Variants in TBCK observed in about 807,000 individuals in gnomAD.
TBCK encodes the protein TBC1 domain containing kinase.
Under a neutral mutation model 113.4 loss-of-function variants are expected in TBCK, and 99 were observed. The ratio of observed to expected loss-of-function variants is 0.87; its 90% CI spans 0.74 to 1.03. TBCK has a LOEUF of 1.03. TBCK is among the 50% of genes least tolerant of loss of function. The pLI, the probability that TBCK is intolerant of heterozygous loss-of-function variation, is 0.00. For missense variants in TBCK, 1,045 were observed against 1,061.3 expected, an observed-to-expected ratio of 0.98 and a Z score of 0.21; for synonymous variants, 369 against 370.8, an observed-to-expected ratio of 1.00 and a Z score of 0.05.
At chr4:106,182,645 G>T (rs927470010) in intron 22 of TBCK, 1 of 151,938 alleles carries the variant, frequency 6.6e-6, no homozygotes, top group African/African-American at 2.4e-5. Context: ...TTTTGTCATT[G>T]GTTCTGTCTT....
chr4:106,239,879 T>A (rs556534178), intron 12 of TBCK, among the ~76,000 whole-genome samples: 1 of 152,120 alleles, frequency 6.6e-6, no homozygotes, highest in African/African-American at 2.4e-5. Flanking sequence ...CTATTTATTT[T>A]ATGAGACTAG....
chr4:106,200,011 T>C (rs1337892757), intron 20 of TBCK, among the ~76,000 whole-genome samples: 2 of 152,190 alleles, frequency 1.3e-5, no homozygotes, highest in Non-Finnish European at 2.9e-5. Flanking sequence ...GTCCTAATGA[T>C]GATCAACAAA....
intron 2 of TBCK, among the ~76,000 whole-genome samples, chr4:106,295,726 A>G (rs1318656909): frequency 6.6e-6 from 1 of 152,192 alleles, no homozygotes; most frequent in Non-Finnish European, 1.5e-5. Flanking sequence ...AAAATCACCT[A>G]TAACTTTTGA....
chr4:106,205,324 G>A (rs552631349), intron 20 of TBCK, among the ~76,000 whole-genome samples: 30 of 152,156 alleles, frequency 2.0e-4, no homozygotes, highest in African/African-American at 7.2e-4. Context: ...ACAAATTCAT[G>A]ACACTACAAA....
intron 23 of TBCK, among the ~76,000 whole-genome samples, chr4:106,124,723 T>C (rs1486534937): frequency 1.3e-5 from 2 of 151,898 alleles, no homozygotes. Flanking sequence ...AAATTGGAAA[T>C]CATCATTTTC....
chr4:106,183,854 T>C lies in TBCK; in HGVS notation c.2059+9755A>G, dbSNP rs537301498. On this transcript the variant is annotated intron_variant, in intron 22 of 25. Transcript: ENST00000394708. The stretch of plus-strand genomic sequence containing the variant: ...TCTCACTGACACCATTAGTAATCTA[T>C]ACAACATTTTTGCATTATTTGTCCT... Among the ~76,000 whole-genome samples the C allele has an allele frequency of 5.9e-5, 9 of 152,198 alleles. 1 individual carries two copies. In the South Asian group the frequency reaches 1.2e-3, roughly 21 times the overall value.
At chr4:106,070,066 T>C (rs11930106) in intron 25 of TBCK, among the ~76,000 whole-genome samples, 48,054 of 150,816 alleles carry the variant, frequency 0.32, 7,837 homozygotes, top group African/African-American at 0.36. Flanking sequence ...TTTCTAAATA[T>C]ACATTCATGT....
rs147484754 is a variant in TBCK at position 106,294,485 on chromosome 4, C to CTT, written c.266+607_266+608dup. Reference sequence around the variant, plus strand: ...TATACTAAAAATACAGGAAAATAATCTTTTTTTTTTTTTTGACATGGAGTC... The same window carrying CTT: ...TATACTAAAAATACAGGAAAATAATCTTTTTTTTTTTTTTTTGACATGGAGTC... On this transcript the variant is annotated intron_variant, in intron 3 of 25. Transcript: ENST00000394708. Among the ~76,000 whole-genome samples the CTT allele has an allele frequency of 8.3e-4, 118 of 141,870 alleles. 1 individual carries two copies. Among genetic ancestry groups the CTT allele is most frequent in the African/African-American group, 2.7e-3 (104 of 38,460 alleles). The allele number at this position is 141,870 out of a possible 152,430, so 93.1% of individuals were successfully genotyped here.
intron 3 of TBCK, among the ~76,000 whole-genome samples, chr4:106,268,867 G>A (rs1043587299): frequency 3.9e-5 from 6 of 152,070 alleles, no homozygotes; most frequent in African/African-American, 1.4e-4. Flanking sequence ...CAAGGTTGCT[G>A]AGATAGATTT....
At chr4:106,303,965 C>G (rs1767230618) in intron 2 of TBCK, among the ~76,000 whole-genome samples, 1 of 152,072 alleles carries the variant, frequency 6.6e-6, no homozygotes, top group South Asian at 2.1e-4. Flanking sequence ...ATATGTGGGA[C>G]CCATGAAGGG....
chr4:106,060,304 C>T (rs1408377749), intron 25 of TBCK, among the ~76,000 whole-genome samples: 1 of 151,732 alleles, frequency 6.6e-6, no homozygotes, highest in Non-Finnish European at 1.5e-5. Flanking sequence ...TTCAAGGCTT[C>T]AAAGGATAGG....
At chr4:106,111,539 T>C (rs764511280) in intron 24 of TBCK, among the ~76,000 whole-genome samples, 1 of 152,216 alleles carries the variant, frequency 6.6e-6, no homozygotes, top group Non-Finnish European at 1.5e-5. Flanking sequence ...TGAACAGTCC[T>C]ACCATGTGTC....
intron 3 of TBCK, among the ~76,000 whole-genome samples, chr4:106,281,298 T>C (rs1158404280): frequency 1.6e-5 from 2 of 127,072 alleles, no homozygotes; most frequent in African/African-American, 6.3e-5. Context: ...TTATCACTTC[T>C]AATCATTTTT....
intron 23 of TBCK, among the ~76,000 whole-genome samples, chr4:106,127,034 C>A (rs1745300006): frequency 6.6e-6 from 1 of 151,548 alleles, no homozygotes; most frequent in African/African-American, 2.4e-5. Flanking sequence ...GTGGTGAAAC[C>A]CCATCTCTAC....
At chr4:106,089,708 G>T (rs1477504506) in intron 25 of TBCK, among the ~76,000 whole-genome samples, 1 of 152,160 alleles carries the variant, frequency 6.6e-6, no homozygotes, top group Admixed American at 6.5e-5. Context: ...CAAAAGAGAG[G>T]CAATACGCCC....
At chr4:106,113,749 C>G (rs1167127829) in intron 24 of TBCK, among the ~76,000 whole-genome samples, 2 of 152,192 alleles carry the variant, frequency 1.3e-5, no homozygotes, top group African/African-American at 4.8e-5. Context: ...ACACAGACAC[C>G]ATTCACTCCA....
intron 22 of TBCK, 56 bp from the exon 23 acceptor site, chr4:106,171,326 T>G (rs1010423407): frequency 1.9e-5 from 25 of 1,324,094 alleles, no homozygotes; most frequent in Middle Eastern, 2.1e-4. Flanking sequence ...GCTCTTTTAA[T>G]GTAATAAACA....
chr4:106,092,619 G>A (rs570168494), intron 25 of TBCK, among the ~76,000 whole-genome samples: 15 of 152,346 alleles, frequency 9.8e-5, no homozygotes, highest in South Asian at 4.1e-4. Flanking sequence ...GGGACCTGGC[G>A]CACCCTCCGC....
chr4:106,223,782 G>C (rs1757954013), intron 19 of TBCK, among the ~76,000 whole-genome samples: 1 of 152,096 alleles, frequency 6.6e-6, no homozygotes, highest in African/African-American at 2.4e-5. Flanking sequence ...TCACTGGCCT[G>C]AAGCTGCCTT....
Sources: gnomAD v4.1 joint callset for allele counts (sites outside exome capture counted in the v4.1 genomes callset) on GRCh38, gnomAD v4.1.1 for gene constraint, MANE v1.5 for transcripts, NCBI Gene and HGNC (gene_info 2026-07-23, HGNC 2026-07-21) for gene names.